Variants in PPP2R1A observed in about 807,000 individuals in gnomAD.
PPP2R1A encodes the protein protein phosphatase 2 scaffold subunit Aalpha.
In PPP2R1A, 15 loss-of-function variants were observed where a neutral mutation model predicts 67.1. That is an observed-to-expected ratio of 0.22 (90% confidence interval 0.15 to 0.34). PPP2R1A has a LOEUF of 0.34. Among genes scored for constraint, PPP2R1A ranks in the 10% least tolerant of loss-of-function variants. PPP2R1A has a pLI of 1.00. For missense variants in PPP2R1A, 369 were observed against 775.0 expected (o/e 0.48, Z 6.22); for synonymous variants, 337 against 325.0 (o/e 1.04, Z -0.40).
chr19:52,218,278 G>A (rs1399588591), intron 9 of PPP2R1A, among the ~76,000 whole-genome samples: 1 of 152,126 alleles, frequency 6.6e-6, no homozygotes, highest in African/African-American at 2.4e-5. Flanking sequence ...TAGAAAGTTG[G>A]AGGAAATACT....
At chr19:52,209,663 C>T (rs919861486) in intron 3 of PPP2R1A, among the ~76,000 whole-genome samples, 1 of 152,174 alleles carries the variant, frequency 6.6e-6, no homozygotes, top group Non-Finnish European at 1.5e-5. Context: ...ACCCATTGGA[C>T]ATGAGCTCCC....
chr19:52,229,510 T>C lies in PPP2R1A; in HGVS notation c.*3529T>C, dbSNP rs8106543. The C allele has an allele frequency of 0.16, 24,543 of 152,018 alleles. 2,549 individuals carry two copies. Among genetic ancestry groups the C allele is most frequent in the African/African-American group, 0.3 (12,427 of 41,396 alleles). The allele number at this position is 152,018 out of a possible 1,614,324, so 9.4% of individuals were successfully genotyped here. On this transcript the variant is annotated 3_prime_UTR_variant, in exon 15 of 15. Coordinates refer to ENST00000322088, the MANE Select transcript of PPP2R1A (RefSeq NM_014225.6). The stretch of plus-strand genomic sequence containing the variant: ...TCCAATAAAGATTTAGTGCCAGGCC[T>C]TGACTCCAGCAGGCCTTCCCCGCTC...
At chr19:52,210,946 A>G (rs2089662383) in intron 3 of PPP2R1A, among the ~76,000 whole-genome samples, 1 of 152,188 alleles carries the variant, frequency 6.6e-6, no homozygotes, top group Admixed American at 6.5e-5. Context: ...AGAGGCTAAG[A>G]ACTTTCTCCT....
rs368489862 is a variant in PPP2R1A at position 52,206,841 on chromosome 19, G to A, written c.270+778G>A. 1.4e-3 allele frequency among the ~76,000 whole-genome samples: 219 copies of A among 152,232 alleles called. 1 individual carries two copies. The highest frequency in any genetic ancestry group is 5.1e-3 in the African/African-American group (212 of 41,530). On this transcript the variant is annotated intron_variant, in intron 3 of 14. Coordinates refer to ENST00000322088, the MANE Select transcript of PPP2R1A (RefSeq NM_014225.6). The stretch of plus-strand genomic sequence containing the variant: ...GTTTTCACTGTTCTCAGAGTGCTGG[G>A]CCACTGCTGCTGCCTCTGCCTCTGC...
rs1255234757 is a variant in PPP2R1A, at chr19:52,228,419, G to A, written c.*2438G>A. On this transcript the variant is annotated 3_prime_UTR_variant, in exon 15 of 15. Transcript: ENST00000322088. ...AGACTCGTTCAAGTGTGTTACTGAG[G>A]GAGTGCTCTCAGGAGAACGGACTGA... 6.6e-6 allele frequency: 1 copy of A among 152,176 alleles called. No individual in the cohort carries two copies. The highest frequency in any genetic ancestry group is 1.5e-5 in the Non-Finnish European group (1 of 68,046). 9.4% of individuals were successfully genotyped at this position (152,176 alleles called of 1,614,324 possible). A position where few individuals can be genotyped will look rare whatever the true frequency, so the allele number is the denominator to read the frequency against.
In PPP2R1A at chr19:52,211,638, A is replaced by G; in HGVS notation, c.503+146A>G. On this transcript the variant is annotated intron_variant, in intron 4 of 14. Transcript: ENST00000322088. This position sits in a 1 kb window ranked among gnomAD's most constrained non-coding sequence, Gnocchi z 5.3. Reference sequence around the variant, plus strand: ...TCCTGCTTACCACCTGATAGGCCACATCCTCGAGAGTTGGTCTCTGGACAC... The same window carrying G: ...TCCTGCTTACCACCTGATAGGCCACGTCCTCGAGAGTTGGTCTCTGGACAC... 1 of 791,238 alleles carries G rather than the reference A, an allele frequency of 1.3e-6. No individual in the cohort carries two copies. Among genetic ancestry groups the G allele is most frequent in the Non-Finnish European group, 2.0e-6 (1 of 507,182 alleles). 49.0% of individuals were successfully genotyped at this position (791,238 alleles called of 1,614,324 possible). A position where few individuals can be genotyped will look rare whatever the true frequency, so the allele number is the denominator to read the frequency against.
At chr19:52,223,863 C>T (rs1199079054) in intron 13 of PPP2R1A, among the ~76,000 whole-genome samples, 1 of 152,170 alleles carries the variant, frequency 6.6e-6, no homozygotes, top group African/African-American at 2.4e-5. Flanking sequence ...AGCCCTTCCA[C>T]TCCTGGGTCT....
chr19:52,205,888 A>G (rs2089596713), intron 2 of PPP2R1A, 75 bp from the exon 3 acceptor site: 2 of 1,193,898 alleles, frequency 1.7e-6, no homozygotes, highest in Non-Finnish European at 2.5e-6. Context: ...AGCAGAATGG[A>G]GTCCATGTGT....
At chr19:52,205,783 C>T (rs2089595629) in intron 2 of PPP2R1A, among the ~76,000 whole-genome samples, 180 bp from the exon 3 acceptor site, 1 of 152,182 alleles carries the variant, frequency 6.6e-6, no homozygotes. Context: ...TCTCTTATCC[C>T]AGCCAAGCCT....
intron 12 of PPP2R1A, among the ~76,000 whole-genome samples, chr19:52,221,736 T>C (rs1978946119): frequency 6.6e-6 from 1 of 152,200 alleles, no homozygotes; most frequent in South Asian, 2.1e-4. Context: ...TACTACTTAT[T>C]TATGTGTAAA....
intron 9 of PPP2R1A, among the ~76,000 whole-genome samples, chr19:52,217,271 C>G (rs1440793220): frequency 6.6e-6 from 1 of 152,208 alleles, no homozygotes; most frequent in Admixed American, 6.5e-5. Context: ...TGATCATGGT[C>G]TACTGCAGCC....
rs1265306637 is a variant in PPP2R1A at position 52,216,763 on chromosome 19, T to C, written c.1128+100T>C. ...TAGATTGACCAGGAATCTGCTGATA[T>C]CTCAACAGACATCCAGATCTTTGCT... On this transcript the variant is annotated intron_variant, in intron 9 of 14. Coordinates refer to ENST00000322088, the MANE Select transcript of PPP2R1A (RefSeq NM_014225.6). This position sits in a 1 kb window ranked among gnomAD's most constrained non-coding sequence, Gnocchi z 4.3. 10 of 1,540,094 alleles carry C rather than the reference T, an allele frequency of 6.5e-6. No homozygotes were observed. The highest frequency in any genetic ancestry group is 2.7e-5 in the African/African-American group (2 of 73,336).
rs2122333727 is a variant in PPP2R1A at position 52,212,638 on chromosome 19, C to T, written c.504-48C>T. 2 of 1,599,810 alleles carry T rather than the reference C, an allele frequency of 1.3e-6. No homozygotes were observed. The highest frequency in any genetic ancestry group is 2.2e-5 in the East Asian group (1 of 44,814). Reference sequence around the variant, plus strand: ...AACTGCAGAGTCTGTGCTTGCTCCTCTCTGCCATACTGCCTGCTGCCTCAG... The same window carrying T: ...AACTGCAGAGTCTGTGCTTGCTCCTTTCTGCCATACTGCCTGCTGCCTCAG... On this transcript the variant is annotated intron_variant, in intron 4 of 14. Transcript: ENST00000322088. The surrounding 1 kb of genome is among the most constrained non-coding windows in gnomAD (Gnocchi z 4.1).
intron 1 of PPP2R1A, chr19:52,201,169 A>G (rs563664176): frequency 2.6e-5 from 4 of 151,928 alleles, no homozygotes; most frequent in African/African-American, 9.7e-5. Flanking sequence ...GGACACACTT[A>G]ACTACGCCTG....
At chr19:52,207,370 C>T (rs2122316702) in intron 3 of PPP2R1A, among the ~76,000 whole-genome samples, 1 of 152,284 alleles carries the variant, frequency 6.6e-6, no homozygotes, top group South Asian at 2.1e-4. Context: ...TATGAAACCG[C>T]AAGGCTTCAA....
Position 52,212,116 on chromosome 19 carries a change from C to T in PPP2R1A, c.504-570C>T, listed in dbSNP as rs61285115. On this transcript the variant is annotated intron_variant, in intron 4 of 14. Coordinates refer to ENST00000322088, the MANE Select transcript of PPP2R1A (RefSeq NM_014225.6). This position sits in a 1 kb window ranked among gnomAD's most constrained non-coding sequence, Gnocchi z 4.1. The stretch of plus-strand genomic sequence containing the variant: ...TTGTTTGTTTTTTGAGATAGGATCT[C>T]GCTCTGTCATCCAGGCTGAAGTGCA... Among the ~76,000 whole-genome samples the T allele has an allele frequency of 0.043, 6,563 of 152,294 alleles. 183 individuals carry two copies. Among genetic ancestry groups the T allele is most frequent in the African/African-American group, 0.077 (3,182 of 41,558 alleles).
At chr19:52,220,714 A>G (rs1207047073) in intron 11 of PPP2R1A, among the ~76,000 whole-genome samples, 1 of 152,216 alleles carries the variant, frequency 6.6e-6, no homozygotes, top group Non-Finnish European at 1.5e-5. Flanking sequence ...AATTTAGGCA[A>G]ATCACTTCTT....
chr19:52,190,752 C>T (rs570345233), intron 1 of PPP2R1A, among the ~76,000 whole-genome samples: 1 of 152,182 alleles, frequency 6.6e-6, no homozygotes, highest in South Asian at 2.1e-4. Flanking sequence ...TGGGGACTAG[C>T]CAAGTTTAGG....
chr19:52,220,695 G>A (rs1229408718), intron 11 of PPP2R1A, among the ~76,000 whole-genome samples: 1 of 152,136 alleles, frequency 6.6e-6, no homozygotes, highest in African/African-American at 2.4e-5. Context: ...GAAGTAATAA[G>A]TGCCACATAA....
Sources: allele counts gnomAD v4.1 joint callset (sites outside exome capture counted in the v4.1 genomes callset), GRCh38; gene constraint gnomAD v4.1.1; non-coding constraint Gnocchi (gnomAD v3.1); transcripts MANE v1.5; gene names NCBI Gene and HGNC (gene_info 2026-07-23, HGNC 2026-07-21).